NSD3: variants seen among roughly 807,000 people sequenced by gnomAD.
NSD3 encodes the protein nuclear receptor binding SET domain protein 3, also known as histone-lysine N-methyltransferase NSD3.
NSD3 carries 24 observed loss-of-function variants against 160.8 expected under a neutral mutation model. That is an observed-to-expected ratio of 0.15 (90% CI 0.11 to 0.21). The LOEUF is 0.21. NSD3 is among the 10% of genes least tolerant of loss of function. The pLI is 1.00. For missense variants in NSD3, 1,157 were observed against 1,735.9 expected (o/e 0.67, Z 5.93); for synonymous variants, 520 against 600.0 (o/e 0.87, Z 1.95).
At chr8:38,307,292 C>G (rs555428683) in intron 12 of NSD3, among the ~76,000 whole-genome samples, 96 of 152,096 alleles carry the variant, frequency 6.3e-4, no homozygotes, top group Non-Finnish European at 8.8e-4. Flanking sequence ...TCAAGTGATT[C>G]TCGTGCCCCA....
At chr8:38,324,319 T>C (rs1809856658) in intron 7 of NSD3, among the ~76,000 whole-genome samples, 1 of 152,220 alleles carries the variant, frequency 6.6e-6, no homozygotes, top group Non-Finnish European at 1.5e-5. Context: ...ATGTGCTGCA[T>C]CTCCACTGGC....
chr8:38,284,227 T>C (rs898841925), intron 19 of NSD3, among the ~76,000 whole-genome samples: 1 of 152,266 alleles, frequency 6.6e-6, no homozygotes, highest in African/African-American at 2.4e-5. Flanking sequence ...TTTTCTATTA[T>C]ATACACTGTC....
intron 1 of NSD3, among the ~76,000 whole-genome samples, chr8:38,364,977 G>A (rs767214732): frequency 6.6e-6 from 1 of 152,198 alleles, no homozygotes; most frequent in Non-Finnish European, 1.5e-5. Flanking sequence ...AGGCATTTGA[G>A]TAAATCCCAT....
intron 16 of NSD3, among the ~76,000 whole-genome samples, chr8:38,292,168 T>G (rs1311142876): frequency 6.6e-6 from 1 of 152,252 alleles, no homozygotes; most frequent in Non-Finnish European, 1.5e-5. Flanking sequence ...ATGTATTAAT[T>G]TTCAAACTGT....
At chr8:38,347,374 G>C in intron 2 of NSD3, 123 bp downstream of exon 2, 3 of 988,480 alleles carry the variant, frequency 3.0e-6, no homozygotes, top group Non-Finnish European at 4.4e-6. Flanking sequence ...TGAGCACGTT[G>C]CTAGTGATTA....
At chr8:38,370,432 G>A (rs1811216604) in intron 1 of NSD3, among the ~76,000 whole-genome samples, 1 of 150,390 alleles carries the variant, frequency 6.6e-6, no homozygotes, top group Admixed American at 6.6e-5. Flanking sequence ...CCAGGCTCAG[G>A]AGAATAATTT....
intron 12 of NSD3, among the ~76,000 whole-genome samples, chr8:38,311,498 G>C (rs1387473289): frequency 6.6e-6 from 1 of 151,938 alleles, no homozygotes. Flanking sequence ...AGCTAATTTT[G>C]TATTTTTAGT....
chr8:38,295,399 A>G (rs976478860), intron 16 of NSD3, among the ~76,000 whole-genome samples: 1 of 151,956 alleles, frequency 6.6e-6, no homozygotes, highest in African/African-American at 2.4e-5. Context: ...TGTCTCTACT[A>G]AAAATACAAA....
intron 1 of NSD3, among the ~76,000 whole-genome samples, chr8:38,373,595 G>A (rs766900774): frequency 3.3e-5 from 5 of 152,046 alleles, no homozygotes; most frequent in Admixed American, 6.6e-5. Context: ...TATTGTCTTG[G>A]CTATGGCCCA....
At chr8:38,296,092 G>T in intron 15 of NSD3, 140 bp from the exon 16 acceptor site, 1 of 867,360 alleles carries the variant, frequency 1.2e-6, no homozygotes, top group Non-Finnish European at 1.7e-6. Flanking sequence ...CATATCTACA[G>T]TGATGGATTA....
Position 38,275,180 on chromosome 8 carries a change from A to G in NSD3, c.*461T>C, listed in dbSNP as rs1376900278. 2 of 242,054 alleles carry G rather than the reference A, an allele frequency of 8.3e-6. No individual in the cohort carries two copies. Among genetic ancestry groups the G allele is most frequent in the East Asian group, 5.9e-5 (1 of 16,824 alleles). The allele number at this position is 242,054 out of a possible 1,614,324, so 15.0% of individuals were successfully genotyped here. The stretch of plus-strand genomic sequence containing the variant: ...TCCTAGAGGGCTTTCTCAGATTCCT[A>G]CTTAAAACACACACACACTTGATTA... On this transcript the variant is annotated 3_prime_UTR_variant, in exon 24 of 24. Coordinates refer to ENST00000317025, the MANE Select transcript of NSD3 (RefSeq NM_023034.2).
rs76099164 is a variant in NSD3 at position 38,310,974 on chromosome 8, G to A, written c.2242+3673C>T. On this transcript the variant is annotated intron_variant, in intron 12 of 23. Coordinates refer to ENST00000317025, the MANE Select transcript of NSD3 (RefSeq NM_023034.2). ...AGGGTTCCAATTTCTCCATAGTTAA[G>A]CCAACATGTTGTTTTCTTTTTTCTT... Among the ~76,000 whole-genome samples the A allele has an allele frequency of 5.9e-4, 90 of 151,472 alleles. 2 individuals carry two copies. In the East Asian group the frequency reaches 0.016, roughly 27 times the overall value.
chr8:38,356,883 G>A (rs996737667), intron 1 of NSD3, among the ~76,000 whole-genome samples: 2 of 151,630 alleles, frequency 1.3e-5, no homozygotes, highest in African/African-American at 4.8e-5. Context: ...CTTTGGGAGG[G>A]TGAGGTGGGT....
In NSD3 at chr8:38,358,929, T is replaced by C. The variant is rs143919381; in HGVS notation, c.-44-10714A>G. Reference sequence around the variant, plus strand: ...GGGGGAAAGGAACAGTTAATTTTTTTTTTAATATGCTCCATTATTTTCAGT... The same window carrying C: ...GGGGGAAAGGAACAGTTAATTTTTTCTTTAATATGCTCCATTATTTTCAGT... On this transcript the variant is annotated intron_variant, in intron 1 of 23. Coordinates refer to ENST00000317025, the MANE Select transcript of NSD3 (RefSeq NM_023034.2). Among the ~76,000 whole-genome samples the C allele has an allele frequency of 3.7e-3, 557 of 152,148 alleles. 1 individual carries two copies. Among genetic ancestry groups the C allele is most frequent in the African/African-American group, 0.013 (544 of 41,504 alleles).
intron 4 of NSD3, among the ~76,000 whole-genome samples, chr8:38,332,952 A>C (rs543906558): frequency 6.6e-6 from 1 of 152,328 alleles, no homozygotes; most frequent in East Asian, 1.9e-4. Flanking sequence ...CAGTGGACTC[A>C]GATTTTCATA....
At chr8:38,308,068 TTCAAG>T (rs1809449400) in intron 12 of NSD3, among the ~76,000 whole-genome samples, 1 of 152,222 alleles carries the variant, frequency 6.6e-6, no homozygotes, top group South Asian at 2.1e-4. Flanking sequence ...TTCGAAAGTG[TTCAAG>T]TCTTTTGTCC....
chr8:38,372,601 A>G (rs1302204178), intron 1 of NSD3, among the ~76,000 whole-genome samples: 1 of 148,900 alleles, frequency 6.7e-6, no homozygotes, highest in African/African-American at 2.5e-5. Flanking sequence ...GGTTCAAGCG[A>G]TTCTCCTGGC....
Position 38,318,745 on chromosome 8 carries a change from C to A in NSD3, c.1855+150G>T. ...AATAAGATCAACTCTAAAAGTCACACACACACACGAACACTGGGGAATACT... is the reference window on the plus strand; with the variant it reads ...AATAAGATCAACTCTAAAAGTCACAAACACACACGAACACTGGGGAATACT... On this transcript the variant is annotated intron_variant, in intron 9 of 23. Coordinates refer to ENST00000317025, the MANE Select transcript of NSD3 (RefSeq NM_023034.2). This position sits in a 1 kb window ranked among gnomAD's most constrained non-coding sequence, Gnocchi z 5.3. The A allele has an allele frequency of 4.3e-6, 3 of 705,646 alleles. No individual in the cohort carries two copies. The highest frequency in any genetic ancestry group is 4.9e-6 in the Non-Finnish European group (2 of 408,076). 43.7% of individuals were successfully genotyped at this position (705,646 alleles called of 1,614,324 possible).
chr8:38,338,756 A>T, intron 2 of NSD3, 149 bp from the exon 3 acceptor site: 1 of 646,206 alleles, frequency 1.5e-6, no homozygotes. Context: ...GAGTAAGAAT[A>T]CAACTTACTC....
Sources: allele counts gnomAD v4.1 joint callset (sites outside exome capture counted in the v4.1 genomes callset), GRCh38; gene constraint gnomAD v4.1.1; non-coding constraint Gnocchi (gnomAD v3.1); transcripts MANE v1.5; gene names NCBI Gene and HGNC (gene_info 2026-07-23, HGNC 2026-07-21).